The following EPYC variants were observed in gnomAD, a reference collection of about 807,000 sequenced individuals.
EPYC encodes dermatan sulfate proteoglycan 3.
Under a neutral mutation model 30.1 loss-of-function variants are expected in EPYC, and 28 were observed. That is an observed-to-expected ratio of 0.93 (90% CI 0.69 to 1.28). The LOEUF is 1.28. Ranked by LOEUF, EPYC falls within the 50% of genes most tolerant of loss-of-function variation. The probability of loss-of-function intolerance (pLI) is 0.00; values close to 1 mark genes in which losing one functional copy is unlikely to be tolerated. For missense variants in EPYC, 382 were observed against 383.5 expected (o/e 1.00, Z 0.03); for synonymous variants, 144 against 141.4 (o/e 1.02, Z -0.13).
rs972632991 is a variant in EPYC, at chr12:90,967,423, G to T, written c.798+2621C>A. ...GTGAATTTCTTAAATTTTATTTTTTGTTGATTTCTAATGCAATTTCATTGG... is the reference window on the plus strand; with the variant it reads ...GTGAATTTCTTAAATTTTATTTTTTTTTGATTTCTAATGCAATTTCATTGG... On this transcript the variant is annotated intron_variant, in intron 6 of 6. Coordinates refer to ENST00000261172, the MANE Select transcript of EPYC (RefSeq NM_004950.5). 2.0e-5 allele frequency among the ~76,000 whole-genome samples: 3 copies of T among 151,158 alleles called. No homozygotes were observed. In the East Asian group the frequency reaches 5.9e-4, roughly 29 times the overall value.
At chr12:91,001,433 A>G (rs1877820220) in intron 2 of EPYC, among the ~76,000 whole-genome samples, 1 of 152,088 alleles carries the variant, frequency 6.6e-6, no homozygotes, top group Admixed American at 6.6e-5. Flanking sequence ...TTTATAGTTA[A>G]TTAGTCTTTG....
intron 3 of EPYC, among the ~76,000 whole-genome samples, chr12:90,977,454 G>T (rs1359893493): frequency 2.6e-5 from 4 of 152,154 alleles, no homozygotes; most frequent in Non-Finnish European, 5.9e-5. Flanking sequence ...TCTTAGGATT[G>T]AGTGAGAAGA....
chr12:90,978,250 T>C lies in EPYC; in HGVS notation c.178A>G (p.Thr60Ala). ...TCTCTGTTCCCTGAAGGCATCACTG[T>C]GGCTATTTCAATCTGAAAAAAAAAA... ...PVDKVEIEIA[T>A]VMPSGNRELL... Residue 60 changes from threonine (T) to alanine (A), a missense_variant, in exon 3 of 7, where the codon ACA becomes GCA. Coordinates refer to ENST00000261172, the MANE Select transcript of EPYC (RefSeq NM_004950.5). 1 of 1,561,434 alleles carries C rather than the reference T, an allele frequency of 6.4e-7. No homozygotes were observed. Among genetic ancestry groups the C allele is most frequent in the Non-Finnish European group, 8.6e-7 (1 of 1,161,862 alleles).
intron 2 of EPYC, among the ~76,000 whole-genome samples, chr12:90,980,520 AT>A (rs1257374059): frequency 1.3e-5 from 2 of 152,098 alleles, no homozygotes; most frequent in South Asian, 2.1e-4. Flanking sequence ...AGATTTAGGC[AT>A]TTTTTCCCCT....
Position 90,978,221 on chromosome 12 carries a change from G to A in EPYC, c.207C>T (p.Leu69=). 1.2e-6 allele frequency: 2 copies of A among 1,601,336 alleles called. No individual in the cohort carries two copies. The highest frequency in any genetic ancestry group is 2.3e-5 in the East Asian group (1 of 43,870). ...TCTCAGGCTGTGGGGGTGGAGTGAG[G>A]AGCTCTCTGTTCCCTGAAGGCATCA... The part of the protein sequence containing the change: ...ATVMPSGNRE[L]LTPPPQPEKA... Residue 69 remains leucine (L), a synonymous_variant, in exon 3 of 7, where the codon CTC becomes CTT. Transcript: ENST00000261172.
At chr12:90,996,446 T>A (rs1053204139) in intron 2 of EPYC, among the ~76,000 whole-genome samples, 7 of 151,892 alleles carry the variant, frequency 4.6e-5, no homozygotes, top group Non-Finnish European at 1.0e-4. Context: ...AGTATATTGC[T>A]TGGTGCTGAG....
intron 2 of EPYC, among the ~76,000 whole-genome samples, chr12:90,983,058 C>T (rs914539239): frequency 1.2e-4 from 18 of 152,202 alleles, no homozygotes; most frequent in African/African-American, 4.1e-4. Flanking sequence ...TTTAAGGAAA[C>T]TTCACATTGT....
At chr12:90,991,796 A>G (rs1877590765) in intron 2 of EPYC, among the ~76,000 whole-genome samples, 1 of 152,192 alleles carries the variant, frequency 6.6e-6, no homozygotes, top group African/African-American at 2.4e-5. Flanking sequence ...AAAGCTCTAG[A>G]GCTGATTCAA....
chr12:90,978,360 A>T, intron 2 of EPYC, 98 bp from the exon 3 acceptor site: 2 of 1,193,462 alleles, frequency 1.7e-6, no homozygotes, highest in Non-Finnish European at 2.3e-6. Flanking sequence ...ATTTGCCACA[A>T]GAGGACACTC....
chr12:91,003,832 A>G (rs1004164577), intron 1 of EPYC, among the ~76,000 whole-genome samples: 6 of 152,132 alleles, frequency 3.9e-5, no homozygotes, highest in Non-Finnish European at 5.9e-5. Flanking sequence ...ATGCACTGGC[A>G]GACAAAATGA....
At chr12:91,002,913 T>C (rs1461659381) in intron 1 of EPYC, among the ~76,000 whole-genome samples, 1 of 152,102 alleles carries the variant, frequency 6.6e-6, no homozygotes, top group Non-Finnish European at 1.5e-5. Context: ...ATTAAGATCC[T>C]TCATCAACTC....
rs183797710 is a variant in EPYC at position 90,991,863 on chromosome 12, C to T, written c.165+10538G>A. On this transcript the variant is annotated intron_variant, in intron 2 of 6. Coordinates refer to ENST00000261172, the MANE Select transcript of EPYC (RefSeq NM_004950.5). ...AGAGAAGTGACTTGTGATGCAGACT[C>T]GGATGTAGGAGACAGAAACACTAAT... Among the ~76,000 whole-genome samples, 20 of 152,166 alleles carry T rather than the reference C, an allele frequency of 1.3e-4. No individual in the cohort carries two copies. The East Asian group carries it at 1.9e-3, about 15-fold the overall frequency.
chr12:90,991,317 C>T (rs142489341), intron 2 of EPYC, among the ~76,000 whole-genome samples: 63 of 152,110 alleles, frequency 4.1e-4, no homozygotes, highest in Non-Finnish European at 7.1e-4. Context: ...GAATGAGAAA[C>T]GTGGAATTAG....
Position 91,002,590 on chromosome 12 carries a change from A to C in EPYC, c.-13-12T>G, listed in dbSNP as rs1211170537. 1.3e-6 allele frequency: 2 copies of C among 1,565,616 alleles called. No homozygotes were observed. On this transcript the variant is annotated splice_polypyrimidine_tract_variant and intron_variant, in intron 1 of 6. Coordinates refer to ENST00000261172, the MANE Select transcript of EPYC (RefSeq NM_004950.5). Reference sequence around the variant, plus strand: ...TTTTTCAAGCTTTCCTAATTATAAAATATTAAAATGCATAAATATTTAATT... The same window carrying C: ...TTTTTCAAGCTTTCCTAATTATAAACTATTAAAATGCATAAATATTTAATT...
intron 2 of EPYC, among the ~76,000 whole-genome samples, chr12:90,982,510 T>A (rs1406368507): frequency 6.6e-6 from 1 of 152,048 alleles, no homozygotes; most frequent in Non-Finnish European, 1.5e-5. Context: ...ACTTACCAAC[T>A]TTTTGTGGTT....
intron 2 of EPYC, among the ~76,000 whole-genome samples, chr12:90,986,026 G>T (rs975910386): frequency 6.6e-6 from 1 of 152,114 alleles, no homozygotes. Flanking sequence ...GGCAGAATTT[G>T]CTCTTTTCAC....
At chr12:90,968,685 C>T (rs1379300521) in intron 6 of EPYC, among the ~76,000 whole-genome samples, 1 of 152,056 alleles carries the variant, frequency 6.6e-6, no homozygotes, top group Admixed American at 6.6e-5. Flanking sequence ...ATTATATATA[C>T]AAACTAATTA....
chr12:91,002,189 C>CAAAAA (rs34987645), intron 2 of EPYC, among the ~76,000 whole-genome samples: 10,300 of 73,168 alleles, frequency 0.14, 1,020 homozygotes, highest in Non-Finnish European at 0.18. Flanking sequence ...GACACTGTCT[C>CAAAAA]AAAAAAAAAA....
At chr12:90,996,144 T>C (rs1043473093) in intron 2 of EPYC, among the ~76,000 whole-genome samples, 1 of 151,898 alleles carries the variant, frequency 6.6e-6, no homozygotes, top group Non-Finnish European at 1.5e-5. Context: ...ATAAGTACTT[T>C]GTGTTCACAA....
Sources: allele counts gnomAD v4.1 joint callset (sites outside exome capture counted in the v4.1 genomes callset), GRCh38; gene constraint gnomAD v4.1.1; transcripts MANE v1.5; gene names NCBI Gene and HGNC (gene_info 2026-07-23, HGNC 2026-07-21).